The following SOX5 variants were observed in gnomAD, a reference collection of about 807,000 sequenced individuals.
SOX5 encodes the protein SRY-box transcription factor 5.
In SOX5, 9 loss-of-function variants were observed where a neutral mutation model predicts 92.0. The ratio of observed to expected loss-of-function variants is 0.10; its 90% CI spans 0.06 to 0.17. SOX5 has a LOEUF of 0.17. Ranked by LOEUF, SOX5 falls within the 10% of genes least tolerant of loss-of-function variation. SOX5 has a pLI of 1.00. For synonymous variants in SOX5, 344 were observed against 336.3 expected, an observed-to-expected ratio of 1.02 and a Z score of -0.25; for missense variants, 642 against 944.5, an observed-to-expected ratio of 0.68 and a Z score of 4.20.
At chr12:23,867,229 T>A (rs561955255) in intron 2 of SOX5, among the ~76,000 whole-genome samples, 1 of 152,262 alleles carries the variant, frequency 6.6e-6, no homozygotes, top group South Asian at 2.1e-4. Context: ...CATAGTTCCA[T>A]TAGTCCATTT....
chr12:23,677,692 T>C (rs1342930131), intron 6 of SOX5, among the ~76,000 whole-genome samples: 2 of 152,210 alleles, frequency 1.3e-5, no homozygotes, highest in Non-Finnish European at 2.9e-5. Flanking sequence ...TATATTTCTT[T>C]TGTTCAAATT....
chr12:24,194,489 G>A (rs1956830783), intron 4 of SOX5, among the ~76,000 whole-genome samples: 1 of 151,998 alleles, frequency 6.6e-6, no homozygotes, highest in Admixed American at 6.6e-5. Flanking sequence ...ACTGGATTTG[G>A]TTCAATAGAT....
chr12:24,366,292 A>G (rs1956162672), intron 2 of SOX5, among the ~76,000 whole-genome samples: 1 of 152,154 alleles, frequency 6.6e-6, no homozygotes, highest in South Asian at 2.1e-4. Flanking sequence ...CCCAATGCCT[A>G]GTCCATGAAA....
At chr12:24,362,075 G>A (rs1955636944) in intron 2 of SOX5, among the ~76,000 whole-genome samples, 2 of 152,198 alleles carry the variant, frequency 1.3e-5, no homozygotes, top group Admixed American at 1.3e-4. Flanking sequence ...AGGGTTTGAT[G>A]GTGGGTGGGT....
chr12:23,960,534 T>C (rs938538510), intron 4 of SOX5, among the ~76,000 whole-genome samples: 152 of 144,538 alleles, frequency 1.1e-3, no homozygotes, highest in East Asian at 5.1e-3. Context: ...TATATACATA[T>C]ATATATATAT....
Position 23,536,445 on chromosome 12 carries a change from G to T in SOX5, c.1988+8C>A, listed in dbSNP as rs562690012. The T allele has an allele frequency of 1.9e-6, 3 of 1,610,204 alleles. No homozygotes were observed. The South Asian group carries it at 3.3e-5, about 18-fold the overall frequency. Reference sequence around the variant, plus strand: ...GCCCCATGAGAAAAATGACTAAAAGGTACATACCCAACATTGAAGTACTGC... The same window carrying T: ...GCCCCATGAGAAAAATGACTAAAAGTTACATACCCAACATTGAAGTACTGC... On this transcript the variant is annotated splice_region_variant and intron_variant, in intron 14 of 14. Transcript: ENST00000451604.
chr12:24,446,079 T>G (rs1374096390), intron 1 of SOX5, among the ~76,000 whole-genome samples: 1 of 152,206 alleles, frequency 6.6e-6, no homozygotes, highest in Non-Finnish European at 1.5e-5. Context: ...AAATATTTAT[T>G]GCAATCTCCT....
chr12:24,290,012 C>T (rs1406250080), intron 2 of SOX5, among the ~76,000 whole-genome samples: 1 of 152,174 alleles, frequency 6.6e-6, no homozygotes, highest in Non-Finnish European at 1.5e-5. Flanking sequence ...AACGCTAATA[C>T]CTTGTCTACT....
At chr12:23,876,749 G>A (rs2096931656) in intron 2 of SOX5, among the ~76,000 whole-genome samples, 1 of 152,116 alleles carries the variant, frequency 6.6e-6, no homozygotes, top group African/African-American at 2.4e-5. Flanking sequence ...CAACCCAAAT[G>A]CCCATCAGTG....
At chr12:24,116,826 T>C (rs1223519820) in intron 4 of SOX5, among the ~76,000 whole-genome samples, 6 of 152,202 alleles carry the variant, frequency 3.9e-5, no homozygotes, top group African/African-American at 1.2e-4. Flanking sequence ...ATTATTTTGA[T>C]GACAGTATTT....
chr12:23,582,647 T>C (rs993879976), intron 9 of SOX5, among the ~76,000 whole-genome samples: 55 of 152,234 alleles, frequency 3.6e-4, no homozygotes, highest in African/African-American at 1.3e-3. Context: ...TTGATAGGTA[T>C]GCTTTTGCTG....
At chr12:23,752,358 T>C (rs2094207084) in intron 4 of SOX5, among the ~76,000 whole-genome samples, 2 of 151,914 alleles carry the variant, frequency 1.3e-5, no homozygotes, top group South Asian at 4.1e-4. Context: ...TACACAGCTC[T>C]GCTTTTATCA....
rs138095377 is a variant in SOX5 at position 24,422,139 on chromosome 12, C to T, written c.-250-53500G>A. 1.5e-3 allele frequency among the ~76,000 whole-genome samples: 227 copies of T among 152,242 alleles called. 1 individual carries two copies. Among genetic ancestry groups the T allele is most frequent in the African/African-American group, 4.2e-3 (175 of 41,528 alleles). On this transcript the variant is annotated intron_variant, in intron 1 of 4. Transcript: ENST00000446891. The stretch of plus-strand genomic sequence containing the variant: ...GGCATCGATGACTAGGAGGAAAATG[C>T]TTATTGTTCTTAATGAAAGCTATTC...
intron 1 of SOX5, among the ~76,000 whole-genome samples, chr12:24,405,771 A>C (rs2136699111): frequency 6.6e-6 from 1 of 152,290 alleles, no homozygotes; most frequent in Non-Finnish European, 1.5e-5. Context: ...AATGTAAATG[A>C]CCAGGTCAAA....
intron 1 of SOX5, among the ~76,000 whole-genome samples, chr12:23,899,515 C>T (rs2097210845): frequency 1.3e-5 from 2 of 152,008 alleles, no homozygotes. Context: ...ATGTGAGCAT[C>T]TAGGCTGGCG....
At chr12:23,575,138 T>A (rs1049447256) in intron 10 of SOX5, among the ~76,000 whole-genome samples, 1 of 152,240 alleles carries the variant, frequency 6.6e-6, no homozygotes, top group Non-Finnish European at 1.5e-5. Flanking sequence ...ATTTTGTTTA[T>A]GCTACTGAAT....
intron 3 of SOX5, among the ~76,000 whole-genome samples, chr12:24,216,743 C>G (rs574791270): frequency 5.3e-5 from 8 of 152,152 alleles, no homozygotes; most frequent in Non-Finnish European, 1.0e-4. Context: ...CCCTGGCCAA[C>G]ATGGCAAAAC....
rs1414632122 is a variant in SOX5 at position 24,426,389 on chromosome 12, AC to A, written c.-250-57751del. 5.3e-5 allele frequency among the ~76,000 whole-genome samples: 8 copies of A among 152,338 alleles called. No individual in the cohort carries two copies. In the East Asian group the frequency reaches 1.5e-3, roughly 29 times the overall value. ...ACAAGTTGATGGGTGCAGCAAACCA[AC>A]ATGGCACATGTATGTATACCTATGT... On this transcript the variant is annotated intron_variant, in intron 1 of 4. Transcript: ENST00000446891.
At chr12:23,561,080 T>C (rs1258037543) in intron 11 of SOX5, among the ~76,000 whole-genome samples, 7 of 152,212 alleles carry the variant, frequency 4.6e-5, no homozygotes, top group African/African-American at 1.7e-4. Context: ...AAGTACATGA[T>C]GAAGAGATTC....
Sources: allele counts gnomAD v4.1 joint callset (sites outside exome capture counted in the v4.1 genomes callset), GRCh38; gene constraint gnomAD v4.1.1; transcripts MANE v1.5; gene names NCBI Gene and HGNC (gene_info 2026-07-23, HGNC 2026-07-21).